The following CARMIL1 variants were observed in gnomAD, a reference collection of about 807,000 sequenced individuals.
The protein encoded by CARMIL1 is F-actin-uncapping protein LRRC16A.
A neutral mutation model predicts 177.1 loss-of-function variants in CARMIL1; 90 were observed. That is an observed-to-expected ratio of 0.51 (90% CI 0.43 to 0.61). CARMIL1 has a LOEUF of 0.61. CARMIL1 is among the 20% of genes least tolerant of loss of function. CARMIL1 has a pLI of 0.00. For synonymous variants in CARMIL1, 577 were observed against 606.2 expected, an observed-to-expected ratio of 0.95 and a Z score of 0.71; for missense variants, 1,380 against 1,667.0, an observed-to-expected ratio of 0.83 and a Z score of 3.00.
At chr6:25,489,972 A>G (rs1274248238) in intron 13 of CARMIL1, among the ~76,000 whole-genome samples, 1 of 152,242 alleles carries the variant, frequency 6.6e-6, no homozygotes, top group African/African-American at 2.4e-5. Context: ...ATTCAGCTAA[A>G]ATAGGAACAT....
intron 2 of CARMIL1, among the ~76,000 whole-genome samples, chr6:25,379,598 A>G (rs1791333015): frequency 6.6e-6 from 1 of 152,196 alleles, no homozygotes; most frequent in South Asian, 2.1e-4. Context: ...AGGTGGCTCC[A>G]GGGCTTTGCT....
intron 11 of CARMIL1, among the ~76,000 whole-genome samples, chr6:25,480,658 TATTTA>T (rs891007516): frequency 2.0e-5 from 3 of 148,266 alleles, no homozygotes; most frequent in Non-Finnish European, 4.5e-5. Flanking sequence ...AAATTATTTA[TATTTA>T]ATTTAAATTT....
intron 24 of CARMIL1, among the ~76,000 whole-genome samples, chr6:25,533,322 T>C (rs1807955447): frequency 6.6e-6 from 1 of 152,202 alleles, no homozygotes; most frequent in Admixed American, 6.5e-5. Flanking sequence ...ACTTGGGCTC[T>C]CAAGTCAGAT....
At chr6:25,286,413 C>T (rs1781527884) in intron 2 of CARMIL1, among the ~76,000 whole-genome samples, 2 of 152,172 alleles carry the variant, frequency 1.3e-5, no homozygotes, top group African/African-American at 4.8e-5. Context: ...GGCTTTTGCC[C>T]AGCAACAAAA....
intron 23 of CARMIL1, chr6:25,527,735 T>C (rs214053): frequency 0.44 from 189,288 of 433,344 alleles, 41,816 homozygotes; most frequent in East Asian, 0.49. Context: ...GAAAGGTACA[T>C]TTTGTTCTGC....
chr6:25,518,510 G>C (rs1049987710), intron 22 of CARMIL1, among the ~76,000 whole-genome samples: 1 of 152,134 alleles, frequency 6.6e-6, no homozygotes, highest in African/African-American at 2.4e-5. Context: ...CACTAAATAG[G>C]GGTAAGGCAG....
chr6:25,336,110 A>C (rs997917997), intron 2 of CARMIL1, among the ~76,000 whole-genome samples: 1 of 152,142 alleles, frequency 6.6e-6, no homozygotes, highest in African/African-American at 2.4e-5. Flanking sequence ...AAAAAAAATA[A>C]AAATAAAAAC....
intron 2 of CARMIL1, among the ~76,000 whole-genome samples, chr6:25,310,088 C>T (rs1783666617): frequency 1.3e-5 from 2 of 152,018 alleles, no homozygotes; most frequent in African/African-American, 4.8e-5. Flanking sequence ...TTAATCTATT[C>T]CTTCACTAAT....
At chr6:25,401,301 A>C (rs1350668462) in intron 2 of CARMIL1, among the ~76,000 whole-genome samples, 1 of 152,156 alleles carries the variant, frequency 6.6e-6, no homozygotes, top group African/African-American at 2.4e-5. Flanking sequence ...CACAAAATGT[A>C]TATGTATATA....
intron 4 of CARMIL1, among the ~76,000 whole-genome samples, chr6:25,432,732 A>C (rs1796908384): frequency 6.6e-6 from 1 of 152,200 alleles, no homozygotes; most frequent in Non-Finnish European, 1.5e-5. Context: ...TGGATAAGCC[A>C]TCCACCACCA....
chr6:25,405,268 C>T (rs1794259941), intron 2 of CARMIL1, among the ~76,000 whole-genome samples: 1 of 152,206 alleles, frequency 6.6e-6, no homozygotes, highest in South Asian at 2.1e-4. Flanking sequence ...CATGCCCTTT[C>T]TATATGCCCT....
At chr6:25,287,521 A>C (rs1781609782) in intron 2 of CARMIL1, 1 of 152,834 alleles carries the variant, frequency 6.5e-6, no homozygotes. Context: ...ACACCCCTAC[A>C]CTCAGACCAG....
intron 8 of CARMIL1, among the ~76,000 whole-genome samples, chr6:25,458,841 G>A (rs1214827590): frequency 1.3e-5 from 2 of 151,982 alleles, no homozygotes; most frequent in African/African-American, 4.8e-5. Flanking sequence ...TCTCTTCTGG[G>A]GTAATTATGA....
chr6:25,496,512 T>TG (rs1301000300), intron 16 of CARMIL1, among the ~76,000 whole-genome samples: 1 of 148,768 alleles, frequency 6.7e-6, no homozygotes, highest in African/African-American at 2.5e-5. Flanking sequence ...AGTCAAGTGC[T>TG]GAAAAAAAAG....
rs546875536 is a variant in CARMIL1, at chr6:25,382,337, T to G, written c.139-37777T>G. Reference sequence around the variant, plus strand: ...GGTCTTAAACTCCTGACTCCAGTTGTGTCCGGAGTTGGTTCCTTCCAGTGG... The same window carrying G: ...GGTCTTAAACTCCTGACTCCAGTTGGGTCCGGAGTTGGTTCCTTCCAGTGG... On this transcript the variant is annotated intron_variant, in intron 2 of 36. Transcript: ENST00000329474. Among the ~76,000 whole-genome samples the G allele has an allele frequency of 2.0e-5, 3 of 152,270 alleles. No homozygotes were observed. The East Asian group carries it at 5.8e-4, about 29-fold the overall frequency.
intron 29 of CARMIL1, among the ~76,000 whole-genome samples, chr6:25,565,940 G>A (rs946753755): frequency 2.0e-5 from 3 of 152,148 alleles, no homozygotes; most frequent in African/African-American, 7.2e-5. Flanking sequence ...CTCATATATA[G>A]TATGTCCCAA....
intron 2 of CARMIL1, among the ~76,000 whole-genome samples, chr6:25,398,132 C>T (rs1205521199): frequency 6.6e-6 from 1 of 152,036 alleles, no homozygotes; most frequent in East Asian, 1.9e-4. Context: ...GGGTAAAGAA[C>T]TATTTAAAAA....
intron 1 of CARMIL1, among the ~76,000 whole-genome samples, chr6:25,284,027 T>G (rs1240491647): frequency 1.3e-5 from 2 of 152,070 alleles, no homozygotes; most frequent in Non-Finnish European, 2.9e-5. Flanking sequence ...CCGGTTCTGT[T>G]CTGTTTTGTT....
intron 2 of CARMIL1, among the ~76,000 whole-genome samples, chr6:25,328,875 A>T (rs953453667): frequency 6.6e-6 from 1 of 152,218 alleles, no homozygotes; most frequent in Admixed American, 6.5e-5. Flanking sequence ...GAGCTAGACA[A>T]AACTTCATGT....
Sources: allele counts gnomAD v4.1 joint callset (sites outside exome capture counted in the v4.1 genomes callset), GRCh38; gene constraint gnomAD v4.1.1; transcripts MANE v1.5; gene names NCBI Gene and HGNC (gene_info 2026-07-23, HGNC 2026-07-21).